NELL1: variants seen among roughly 807,000 people sequenced by gnomAD.
NELL1 encodes neural EGFL like 1, also known as protein kinase C-binding protein NELL1.
Under a neutral mutation model 107.4 loss-of-function variants are expected in NELL1, and 76 were observed. That is an observed-to-expected ratio of 0.71 (90% CI 0.59 to 0.86). The LOEUF (loss-of-function observed/expected upper bound fraction) is 0.86, where lower values mean the gene tolerates loss of function less well. NELL1 is among the 40% of genes least tolerant of loss of function. The pLI, the probability that NELL1 is intolerant of heterozygous loss-of-function variation, is 0.00. For synonymous variants in NELL1, 353 were observed against 341.2 expected, an observed-to-expected ratio of 1.03 and a Z score of -0.38; for missense variants, 1,024 against 1,005.5, an observed-to-expected ratio of 1.02 and a Z score of -0.25.
chr11:20,712,179 T>G (rs747620632), intron 2 of NELL1, among the ~76,000 whole-genome samples: 24 of 152,162 alleles, frequency 1.6e-4, no homozygotes, highest in Non-Finnish European at 3.4e-4. Context: ...TTTATCTGAT[T>G]GGGTTAATTC....
At chr11:21,565,835 CA>C (rs746488852) in intron 17 of NELL1, among the ~76,000 whole-genome samples, 3 of 151,824 alleles carry the variant, frequency 2.0e-5, no homozygotes, top group Non-Finnish European at 4.4e-5. Context: ...GTTTCTACCC[CA>C]GGTGTTAGGA....
chr11:20,827,638 G>A (rs965738868), intron 3 of NELL1, among the ~76,000 whole-genome samples: 1 of 151,270 alleles, frequency 6.6e-6, no homozygotes, highest in Non-Finnish European at 1.5e-5. Context: ...AGCCTTGGAA[G>A]CAGTACACAT....
chr11:21,400,686 A>G (rs1286959023), intron 15 of NELL1, among the ~76,000 whole-genome samples: 3 of 151,928 alleles, frequency 2.0e-5, no homozygotes, highest in Admixed American at 6.6e-5. Flanking sequence ...ATAAATCAGC[A>G]TGCGCTTATG....
rs1185207427 is a variant in NELL1 at position 20,897,629 on chromosome 11, A to C, written c.603+12089A>C. Reference sequence around the variant, plus strand: ...AGAAACTACCATCAGAGTGAACAGGAAACCTACAGAATGGGAGAAAATTTT... The same window carrying C: ...AGAAACTACCATCAGAGTGAACAGGCAACCTACAGAATGGGAGAAAATTTT... On this transcript the variant is annotated intron_variant, in intron 5 of 19. Coordinates refer to ENST00000357134, the MANE Select transcript of NELL1 (RefSeq NM_006157.5). Among the ~76,000 whole-genome samples the C allele has an allele frequency of 5.1e-4, 77 of 151,912 alleles. 1 individual carries two copies. Among genetic ancestry groups the C allele is most frequent in the South Asian group, 5.0e-3 (24 of 4,810 alleles).
intron 16 of NELL1, among the ~76,000 whole-genome samples, chr11:21,554,234 C>T (rs989058790): frequency 2.6e-5 from 4 of 151,898 alleles, no homozygotes; most frequent in East Asian, 2.0e-4. Flanking sequence ...AACTTTTCTT[C>T]GTCTACAGTA....
chr11:20,934,367 C>T (rs1470575779), intron 9 of NELL1, among the ~76,000 whole-genome samples: 1 of 152,170 alleles, frequency 6.6e-6, no homozygotes, highest in East Asian at 1.9e-4. Context: ...TTCACCAGCA[C>T]CAAAGCACCC....
chr11:20,946,515 C>T lies in NELL1; in HGVS notation c.1072-821C>T, dbSNP rs144661669. 5.3e-5 allele frequency among the ~76,000 whole-genome samples: 8 copies of T among 152,238 alleles called. No individual in the cohort carries two copies. In the East Asian group the frequency reaches 1.4e-3, roughly 26 times the overall value. On this transcript the variant is annotated intron_variant, in intron 10 of 19. Transcript: ENST00000357134. Reference sequence around the variant, plus strand: ...AGATTCACCTTCTGAATATTACACACGTTATTGTAAGTGATTTTATATCTA... The same window carrying T: ...AGATTCACCTTCTGAATATTACACATGTTATTGTAAGTGATTTTATATCTA...
chr11:20,755,944 G>A (rs758249755), intron 2 of NELL1, among the ~76,000 whole-genome samples: 1 of 146,362 alleles, frequency 6.8e-6, no homozygotes, highest in Admixed American at 6.9e-5. Context: ...CCAGGCTGGA[G>A]TGCAGTGGCG....
Position 20,751,525 on chromosome 11 carries a change from G to A in NELL1, c.185-32155G>A, listed in dbSNP as rs186975250. On this transcript the variant is annotated intron_variant, in intron 2 of 19. Coordinates refer to ENST00000357134, the MANE Select transcript of NELL1 (RefSeq NM_006157.5). ...GGGGTCTCACTCTGTTGCCCAGGCCGGAGTGTGATGGCATGACCATGGCTT... is the reference window on the plus strand; with the variant it reads ...GGGGTCTCACTCTGTTGCCCAGGCCAGAGTGTGATGGCATGACCATGGCTT... Among the ~76,000 whole-genome samples the A allele has an allele frequency of 3.7e-4, 56 of 152,098 alleles. 1 individual carries two copies. Among genetic ancestry groups the A allele is most frequent in the Admixed American group, 2.1e-3 (32 of 15,278 alleles).
At chr11:21,157,113 G>GTA (rs1171573672) in intron 13 of NELL1, among the ~76,000 whole-genome samples, 1 of 149,630 alleles carries the variant, frequency 6.7e-6, no homozygotes, top group African/African-American at 2.5e-5. Context: ...AAAAATATGT[G>GTA]TATATATATA....
intron 15 of NELL1, among the ~76,000 whole-genome samples, chr11:21,484,425 T>G (rs1854576204): frequency 1.3e-5 from 2 of 151,918 alleles, no homozygotes; most frequent in African/African-American, 4.8e-5. Context: ...TTTATTCAAT[T>G]TTTTTTCTCC....
Position 21,475,848 on chromosome 11 carries a change from A to G in NELL1, c.1646-58526A>G, listed in dbSNP as rs1043253044. ...GTAGCTGTTTGGTATGATTTTGGGT[A>G]GAATCCAGAATTTCATACTGGATAG... On this transcript the variant is annotated intron_variant, in intron 15 of 19. Transcript: ENST00000357134. Among the ~76,000 whole-genome samples, 13 of 152,226 alleles carry G rather than the reference A, an allele frequency of 8.5e-5. 1 individual carries two copies. The highest frequency in any genetic ancestry group is 3.1e-4 in the African/African-American group (13 of 41,468).
At chr11:20,693,280 A>G (rs1206837230) in intron 2 of NELL1, among the ~76,000 whole-genome samples, 5 of 151,898 alleles carry the variant, frequency 3.3e-5, no homozygotes, top group African/African-American at 4.8e-5. Context: ...CATTTAGTCC[A>G]TTTACATTTA....
In NELL1 at chr11:21,150,641, T is replaced by A. The variant is rs367609541; in HGVS notation, c.1426+36927T>A. Reference sequence around the variant, plus strand: ...GGAAAGCAGATGGCATTGTTCTCAATCTTGTCTGTACATTTGAATCATCTG... The same window carrying A: ...GGAAAGCAGATGGCATTGTTCTCAAACTTGTCTGTACATTTGAATCATCTG... On this transcript the variant is annotated intron_variant, in intron 13 of 19. Transcript: ENST00000357134. 3.3e-5 allele frequency among the ~76,000 whole-genome samples: 5 copies of A among 152,288 alleles called. No homozygotes were observed. The South Asian group carries it at 8.3e-4, about 25-fold the overall frequency.
At chr11:21,406,264 G>C (rs899796391) in intron 15 of NELL1, among the ~76,000 whole-genome samples, 15 of 151,842 alleles carry the variant, frequency 9.9e-5, no homozygotes, top group African/African-American at 3.4e-4. Flanking sequence ...TAGAATTTAG[G>C]GGGCAGTCAT....
intron 14 of NELL1, among the ~76,000 whole-genome samples, chr11:21,324,976 C>T (rs1208845963): frequency 6.6e-6 from 1 of 152,032 alleles, no homozygotes; most frequent in Non-Finnish European, 1.5e-5. Flanking sequence ...CCAACCTCCC[C>T]CCATCTTTGT....
intron 15 of NELL1, among the ~76,000 whole-genome samples, chr11:21,471,280 GA>G (rs1410909390): frequency 1.3e-5 from 2 of 152,146 alleles, no homozygotes; most frequent in East Asian, 3.9e-4. Flanking sequence ...AGGAGGTTAA[GA>G]AAAAGTAGCT....
chr11:21,413,509 T>C (rs1279107258), intron 15 of NELL1, among the ~76,000 whole-genome samples: 1 of 152,102 alleles, frequency 6.6e-6, no homozygotes, highest in Non-Finnish European at 1.5e-5. Context: ...TATTCCCTCA[T>C]CTTACTTTCA....
chr11:20,713,446 T>C (rs941230714), intron 2 of NELL1, among the ~76,000 whole-genome samples: 1 of 152,048 alleles, frequency 6.6e-6, no homozygotes. Flanking sequence ...ACCAGGGAAG[T>C]GGGGGATAGC....
Sources: allele counts gnomAD v4.1 joint callset (sites outside exome capture counted in the v4.1 genomes callset), GRCh38; gene constraint gnomAD v4.1.1; transcripts MANE v1.5; gene names NCBI Gene and HGNC (gene_info 2026-07-23, HGNC 2026-07-21).